CPNE3: variants seen among roughly 807,000 people sequenced by gnomAD.
CPNE3 encodes copine 3, also known as copine-3.
Under a neutral mutation model 63.9 loss-of-function variants are expected in CPNE3, and 68 were observed. The observed-to-expected ratio is 1.06, with a 90% CI of 0.87 to 1.30. CPNE3 has a LOEUF of 1.30. Ranked by LOEUF, CPNE3 falls within the 50% of genes most tolerant of loss-of-function variation. The pLI is 0.00. For missense variants in CPNE3, 665 were observed against 578.1 expected (o/e 1.15, Z -1.54); for synonymous variants, 219 against 197.5 (o/e 1.11, Z -0.91).
rs981730819 is a variant in CPNE3 at position 86,537,506 on chromosome 8, A to G, written c.460-57A>G. ...CAACATGTGTAAAGTATGGTCACAC[A>G]TGGTTTCATGGGTTCAGAGGAGAAC... On this transcript the variant is annotated intron_variant, in intron 6 of 16. Transcript: ENST00000517490. 1.6e-5 allele frequency: 17 copies of G among 1,056,554 alleles called. No individual in the cohort carries two copies. In the African/African-American group the frequency reaches 2.3e-4, roughly 15 times the overall value. The allele number at this position is 1,056,554 out of a possible 1,614,324, so 65.4% of individuals were successfully genotyped here.
At chr8:86,524,389 C>T (rs1020031572) in intron 2 of CPNE3, among the ~76,000 whole-genome samples, 1 of 152,024 alleles carries the variant, frequency 6.6e-6, no homozygotes, top group Non-Finnish European at 1.5e-5. Context: ...TGATTCAGAA[C>T]GTTAGGGTGA....
chr8:86,518,981 G>C (rs1820374562), intron 2 of CPNE3, among the ~76,000 whole-genome samples: 1 of 152,040 alleles, frequency 6.6e-6, no homozygotes, highest in African/African-American at 2.4e-5. Context: ...TGTTGTCCAG[G>C]CTGCTGTTGA....
In CPNE3 at chr8:86,546,672, A is replaced by G. The variant is rs1357953381; in HGVS notation, c.810A>G (p.Lys270=). The G allele has an allele frequency of 6.2e-7, 1 of 1,611,172 alleles. No individual in the cohort carries two copies. Among genetic ancestry groups the G allele is most frequent in the Non-Finnish European group, 8.5e-7 (1 of 1,179,404 alleles). ...AGAATTCAGGTGTTATCAGTGTGAAACAGTGTGAGGTCCGTTGGCCTTGGC... is the reference window on the plus strand; with the variant it reads ...AGAATTCAGGTGTTATCAGTGTGAAGCAGTGTGAGGTCCGTTGGCCTTGGC... ...SYKNSGVISV[K]QCEITVECTF... is the part of the protein sequence containing the mutation. The change falls in exon 10 of 17, where the codon AAA becomes AAG. Residue 270 remains lysine, a synonymous_variant. Coordinates refer to ENST00000517490, the MANE Select transcript of CPNE3 (RefSeq NM_003909.5).
chr8:86,543,299 T>C (rs1820981789), intron 8 of CPNE3, among the ~76,000 whole-genome samples: 1 of 152,114 alleles, frequency 6.6e-6, no homozygotes, highest in African/African-American at 2.4e-5. Flanking sequence ...TTACTCAAAA[T>C]TGAAATTCTC....
At chr8:86,557,802 A>G (rs1821355104) in intron 16 of CPNE3, among the ~76,000 whole-genome samples, 1 of 152,160 alleles carries the variant, frequency 6.6e-6, no homozygotes. Context: ...TAGAAATCAG[A>G]GTAAGTTCTG....
intron 2 of CPNE3, among the ~76,000 whole-genome samples, chr8:86,519,764 A>T (rs990304699): frequency 1.3e-5 from 2 of 152,188 alleles, no homozygotes; most frequent in East Asian, 3.9e-4. Context: ...CCCAGGCTGG[A>T]GTGCAATGGC....
rs34109843 is a variant in CPNE3 at position 86,537,987 on chromosome 8, T to TCACACA, written c.543+357_543+362dup. Among the ~76,000 whole-genome samples, 28 of 142,310 alleles carry TCACACA rather than the reference T, an allele frequency of 2.0e-4. No individual in the cohort carries two copies. The South Asian group carries it at 5.8e-3, about 29-fold the overall frequency. 93.4% of individuals were successfully genotyped at this position (142,310 alleles called of 152,430 possible). ...CTCTGTCTCTCTCTCTCTCTCTCTC[T>TCACACA]CACACACACACACACACACACTTAT... On this transcript the variant is annotated intron_variant, in intron 7 of 16. Transcript: ENST00000517490.
At chr8:86,547,130 T>A (rs1563697182) in intron 10 of CPNE3, among the ~76,000 whole-genome samples, 1 of 152,200 alleles carries the variant, frequency 6.6e-6, no homozygotes. Context: ...TGGTCACCTT[T>A]AGCAAAAAGA....
intron 8 of CPNE3, among the ~76,000 whole-genome samples, chr8:86,543,270 A>G (rs1403551568): frequency 6.6e-6 from 1 of 152,168 alleles, no homozygotes; most frequent in Admixed American, 6.5e-5. Flanking sequence ...TTTTCTTAAA[A>G]AAATAAAATC....
chr8:86,521,730 T>G (rs1820437357), intron 2 of CPNE3: 1 of 152,158 alleles, frequency 6.6e-6, no homozygotes, highest in African/African-American at 2.4e-5. Flanking sequence ...TAATTTAACC[T>G]TTTTGAAGAA....
chr8:86,519,328 G>C (rs1820381930), intron 2 of CPNE3, among the ~76,000 whole-genome samples: 1 of 152,236 alleles, frequency 6.6e-6, no homozygotes, highest in African/African-American at 2.4e-5. Flanking sequence ...ATGATAAAGA[G>C]AAGGTAAAAC....
At chr8:86,537,197 A>T (rs1196545703) in intron 6 of CPNE3, among the ~76,000 whole-genome samples, 3 of 152,198 alleles carry the variant, frequency 2.0e-5, no homozygotes, top group Non-Finnish European at 4.4e-5. Flanking sequence ...GGTATGGCTA[A>T]TGTTTGTGAT....
chr8:86,537,966 GTCTCTC>G (rs72165946), intron 7 of CPNE3, among the ~76,000 whole-genome samples: 11 of 142,968 alleles, frequency 7.7e-5, no homozygotes, highest in East Asian at 2.1e-4. Context: ...GTCCCTCTCT[GTCTCTC>G]TCTCTCTCTC....
In CPNE3 at chr8:86,528,662, T is replaced by C; in HGVS notation, c.117T>C (p.Gly39=). The stretch of plus-strand genomic sequence containing the variant: ...GTGTGTTGTTTTTGAATACAAGTGG[T>C]CAACAGTGGTATGAGGTAATGTCAA... ...PLCVLFLNTS[G]QQWYEVERTE... Residue 39 remains glycine (G), a synonymous_variant, in exon 3 of 17, where the codon GGT becomes GGC. Coordinates refer to ENST00000517490, the MANE Select transcript of CPNE3 (RefSeq NM_003909.5). 1 of 1,613,172 alleles carries C rather than the reference T, an allele frequency of 6.2e-7. No homozygotes were observed. Among genetic ancestry groups the C allele is most frequent in the African/African-American group, 1.3e-5 (1 of 74,962 alleles).
intron 2 of CPNE3, among the ~76,000 whole-genome samples, chr8:86,527,684 G>A (rs369616591): frequency 3.9e-5 from 6 of 152,174 alleles, no homozygotes; most frequent in African/African-American, 1.4e-4. Flanking sequence ...ATTCCAGGAA[G>A]CAGCCAATAT....
Position 86,540,287 on chromosome 8 carries a change from A to T in CPNE3, c.586A>T (p.Ile196Phe). ...NLNPVWRPFK[I>F]SLNSLCYGDM... ...GAATCCTGTTTGGAGGCCTTTCAAGATCTCTCTTAACTCACTGTGTTACGG... is the reference window on the plus strand; with the variant it reads ...GAATCCTGTTTGGAGGCCTTTCAAGTTCTCTCTTAACTCACTGTGTTACGG... The change falls in exon 8 of 17, where the codon ATC becomes TTC. Residue 196 changes from isoleucine to phenylalanine, a missense_variant. Physicochemically the swap from Ile to Phe is conservative, Grantham distance 21. Transcript: ENST00000517490. 6.2e-7 allele frequency: 1 copy of T among 1,609,650 alleles called. No individual in the cohort carries two copies. The highest frequency in any genetic ancestry group is 8.5e-7 in the Non-Finnish European group (1 of 1,177,964).
intron 2 of CPNE3, among the ~76,000 whole-genome samples, chr8:86,527,663 T>C (rs1342650205): frequency 6.6e-6 from 1 of 151,922 alleles, no homozygotes; most frequent in Non-Finnish European, 1.5e-5. Context: ...CTTTGAAAGC[T>C]CCTCCAGATG....
Position 86,556,248 on chromosome 8 carries a change from G to C in CPNE3, c.1401G>C (p.Leu467=). Residue 467 remains leucine (L), a synonymous_variant, in exon 16 of 17, where the codon CTG becomes CTC. Coordinates refer to ENST00000517490, the MANE Select transcript of CPNE3 (RefSeq NM_003909.5). ...GGADFSAMEF[L]DGDGGSLRSP... Reference sequence around the variant, plus strand: ...CTGACTTCAGCGCCATGGAGTTTCTGGATGGTGATGGTGGAAGTCTCCGCT... The same window carrying C: ...CTGACTTCAGCGCCATGGAGTTTCTCGATGGTGATGGTGGAAGTCTCCGCT... The C allele has an allele frequency of 1.1e-6, 1 of 873,026 alleles. No individual in the cohort carries two copies. The highest frequency in any genetic ancestry group is 2.0e-6 in the Non-Finnish European group (1 of 501,692). The allele number at this position is 873,026 out of a possible 1,614,324, so 54.1% of individuals were successfully genotyped here. A position where few individuals can be genotyped will look rare whatever the true frequency, so the allele number is the denominator to read the frequency against.
chr8:86,514,740 G>T (rs373005617), intron 1 of CPNE3, 199 bp downstream of exon 1: 1 of 152,264 alleles, frequency 6.6e-6, no homozygotes, highest in East Asian at 1.9e-4. Context: ...GGAGGCTCCC[G>T]AGCTAGGTCG....
Sources: allele counts gnomAD v4.1 joint callset (sites outside exome capture counted in the v4.1 genomes callset), GRCh38; gene constraint gnomAD v4.1.1; transcripts MANE v1.5; gene names NCBI Gene and HGNC (gene_info 2026-07-23, HGNC 2026-07-21).